RLF: variants seen among roughly 807,000 people sequenced by gnomAD.
The protein encoded by RLF is zinc finger protein Rlf.
Under a neutral mutation model 162.9 loss-of-function variants are expected in RLF, and 7 were observed. That is an observed-to-expected ratio of 0.04 (90% CI 0.02 to 0.08). The LOEUF (loss-of-function observed/expected upper bound fraction) is 0.08. RLF is among the 10% of genes least tolerant of loss of function. The probability of loss-of-function intolerance (pLI) is 1.00; values close to 1 mark genes in which losing one functional copy is unlikely to be tolerated. For synonymous variants in RLF, 782 were observed against 791.5 expected, an observed-to-expected ratio of 0.99 and a Z score of 0.20; for missense variants, 1,664 against 2,244.7, an observed-to-expected ratio of 0.74 and a Z score of 5.23.
chr1:40,177,975 G>A (rs533554463), intron 1 of RLF: 48 of 154,350 alleles, frequency 3.1e-4, no homozygotes, highest in Non-Finnish European at 5.8e-4. Flanking sequence ...CAAGGATGTC[G>A]TCGAAGAGTA....
chr1:40,192,343 C>T (rs1204398578), intron 3 of RLF, among the ~76,000 whole-genome samples: 1 of 152,098 alleles, frequency 6.6e-6, no homozygotes. Context: ...ATCTCAAATG[C>T]TTAGGAGTAG....
chr1:40,184,952 C>T (rs774111055), intron 1 of RLF, among the ~76,000 whole-genome samples: 3 of 151,966 alleles, frequency 2.0e-5, no homozygotes, highest in East Asian at 1.9e-4. Context: ...AATAAGAGAC[C>T]GTGGCTGGGT....
chr1:40,175,215 AGTTAAATCTAGACCAGAC>A (rs1642303964), intron 1 of RLF, among the ~76,000 whole-genome samples: 2 of 138,004 alleles, frequency 1.4e-5, no homozygotes, highest in Admixed American at 7.2e-5. Context: ...TGGGGGGGGG[AGTTAAATCTAGACCAGAC>A]GTTCCCATAA....
At position 40,239,406 on chromosome 1, in the gene RLF, G is replaced by A. The variant is rs1643260902; in HGVS notation, c.4704G>A (p.Arg1568=). The change falls in exon 8 of 8, where the codon AGG becomes AGA. Residue 1568 remains arginine (R), a synonymous_variant. Transcript: ENST00000372771. The part of the protein sequence containing the change: ...SVVKLESSIV[R]HYKRTHQMSS... ...TGAAGTTGGAGAGCAGCATTGTGAG[G>A]CATTACAAACGCACTCATCAGATGA... 6.2e-7 allele frequency: 1 copy of A among 1,613,816 alleles called. No homozygotes were observed. Among genetic ancestry groups the A allele is most frequent in the Admixed American group, 1.7e-5 (1 of 60,000 alleles).
intron 5 of RLF, among the ~76,000 whole-genome samples, chr1:40,219,551 G>A (rs1642966295): frequency 6.6e-6 from 1 of 152,152 alleles, no homozygotes; most frequent in South Asian, 2.1e-4. Flanking sequence ...AGATAAGTGG[G>A]TGCAAGGCAA....
intron 5 of RLF, among the ~76,000 whole-genome samples, chr1:40,211,388 C>T (rs1437955683): frequency 6.6e-6 from 1 of 152,184 alleles, no homozygotes; most frequent in East Asian, 1.9e-4. Context: ...ACTCTACCAC[C>T]TATTTCCATG....
intron 1 of RLF, among the ~76,000 whole-genome samples, chr1:40,174,284 T>A (rs988291455): frequency 1.3e-5 from 2 of 151,802 alleles, no homozygotes; most frequent in Admixed American, 6.6e-5. Context: ...GGCAGGAGAA[T>A]CGCTTGAACC....
At chr1:40,168,786 G>C (rs903858520) in intron 1 of RLF, among the ~76,000 whole-genome samples, 2 of 151,816 alleles carry the variant, frequency 1.3e-5, no homozygotes, top group African/African-American at 2.4e-5. Flanking sequence ...GAGGTCAGGA[G>C]TTCGAGACCA....
intron 1 of RLF, among the ~76,000 whole-genome samples, chr1:40,165,772 C>A: frequency 6.6e-6 from 1 of 152,090 alleles, no homozygotes; most frequent in East Asian, 1.9e-4. Context: ...CCTAAAATAC[C>A]TCAATTCCTC....
In RLF at chr1:40,237,488, A is replaced by G. The variant is rs762268067; in HGVS notation, c.2786A>G (p.Asn929Ser). Reference protein sequence around the residue: ...SETMQDVLLSNEKVFGPSSLK... With the variant: ...SETMQDVLLSSEKVFGPSSLK... ...ACTATGCAGGATGTATTGTTATCTA[A>G]TGAGAAAGTCTTTGGGCCCTCCAGT... The change falls in exon 8 of 8, where the codon AAT (asparagine) becomes AGT (serine). Residue 929 changes from asparagine to serine, a missense_variant. By Grantham distance (46) the Asn-to-Ser change is conservative. Transcript: ENST00000372771. The surrounding 1 kb of genome is among the most constrained non-coding windows in gnomAD (Gnocchi z 4.4). 8.1e-6 allele frequency: 13 copies of G among 1,613,994 alleles called. No homozygotes were observed. The African/African-American group carries it at 1.5e-4, about 18-fold the overall frequency.
chr1:40,176,922 C>T (rs532493531), intron 1 of RLF, among the ~76,000 whole-genome samples: 3 of 150,926 alleles, frequency 2.0e-5, no homozygotes, highest in Non-Finnish European at 4.4e-5. Context: ...TAGGTTGTGC[C>T]TTCTCTCTTT....
chr1:40,216,965 G>C (rs749981768), intron 5 of RLF, among the ~76,000 whole-genome samples: 14 of 151,800 alleles, frequency 9.2e-5, no homozygotes, highest in Admixed American at 3.3e-4. Context: ...GGCAGAATTG[G>C]ATGAACCCAG....
rs1476803411 is a variant in RLF, at chr1:40,239,994, C to T, written c.5292C>T (p.Tyr1764=). The change falls in exon 8 of 8, where the codon TAC becomes TAT. Residue 1764 remains tyrosine, a synonymous_variant. Coordinates refer to ENST00000372771, the MANE Select transcript of RLF (RefSeq NM_012421.4). ...SQPRSFDLKT[Y]KPMGFESSFL... ...CCCGGTCATTTGATTTGAAGACTTA[C>T]AAACCTATGGGATTTGAATCTTCAT... 1 of 1,613,854 alleles carries T rather than the reference C, an allele frequency of 6.2e-7. No individual in the cohort carries two copies. The highest frequency in any genetic ancestry group is 8.5e-7 in the Non-Finnish European group (1 of 1,179,960).
chr1:40,193,025 A>C (rs1004204225), intron 3 of RLF, among the ~76,000 whole-genome samples: 5 of 151,280 alleles, frequency 3.3e-5, no homozygotes. Context: ...GATCACCTAG[A>C]ATTCTGTTTT....
At chr1:40,171,010 TTTTGTTTGTTTG>T (rs138268620) in intron 1 of RLF, among the ~76,000 whole-genome samples, 3 of 151,408 alleles carry the variant, frequency 2.0e-5, no homozygotes, top group South Asian at 2.1e-4. Flanking sequence ...TTGATAGTGT[TTTTGTTTGTTTG>T]TTTGTTTGTT....
chr1:40,201,696 ATTCAGTACAGCTCAGAAGTACTGAGC>A (rs915034613), intron 4 of RLF, among the ~76,000 whole-genome samples: 7 of 151,672 alleles, frequency 4.6e-5, no homozygotes, highest in African/African-American at 1.7e-4. Flanking sequence ...AGTGCCTAAT[ATTCAGTACAGCTCAGAAGTACTGAGC>A]TTCAGTACTT....
intron 1 of RLF, among the ~76,000 whole-genome samples, chr1:40,176,037 T>G (rs1642321168): frequency 6.6e-6 from 1 of 152,182 alleles, no homozygotes; most frequent in South Asian, 2.1e-4. Context: ...TCTTTTTTGG[T>G]GTCTCTGTAT....
intron 1 of RLF, among the ~76,000 whole-genome samples, chr1:40,175,801 AAG>A (rs71577613): frequency 0.045 from 6,826 of 150,680 alleles, 504 homozygotes; most frequent in African/African-American, 0.16. Context: ...AAAAAAAAAA[AAG>A]TACAATTTGG....
intron 3 of RLF, among the ~76,000 whole-genome samples, chr1:40,194,300 G>A (rs1454849552): frequency 6.6e-6 from 1 of 152,152 alleles, no homozygotes; most frequent in Admixed American, 6.5e-5. Context: ...CAGGCAGCCT[G>A]TGTGAATACT....
Sources: gnomAD v4.1 joint callset for allele counts (sites outside exome capture counted in the v4.1 genomes callset) on GRCh38, gnomAD v4.1.1 for gene constraint, Gnocchi (gnomAD v3.1) non-coding constraint, MANE v1.5 for transcripts, NCBI Gene and HGNC (gene_info 2026-07-23, HGNC 2026-07-21) for gene names.